Variants in CACNA1D observed in about 807,000 individuals in gnomAD.
The protein encoded by CACNA1D is voltage-dependent L-type calcium channel subunit alpha-1D.
In CACNA1D, 55 loss-of-function variants were observed where a neutral mutation model predicts 257.1. The ratio of observed to expected loss-of-function variants is 0.21; its 90% CI spans 0.17 to 0.27. CACNA1D has a LOEUF of 0.27. CACNA1D is among the 10% of genes least tolerant of loss of function. The pLI, the probability that CACNA1D is intolerant of heterozygous loss-of-function variation, is 1.00. For missense variants in CACNA1D, 1,876 were observed against 2,784.0 expected, an observed-to-expected ratio of 0.67 and a Z score of 7.34; for synonymous variants, 980 against 1,014.9, an observed-to-expected ratio of 0.97 and a Z score of 0.65.
intron 37 of CACNA1D, 46 bp from the exon 38 acceptor site, chr3:53,779,980 G>A (rs1330852860): frequency 2.4e-6 from 3 of 1,252,902 alleles, no homozygotes; most frequent in African/African-American, 1.5e-5. Context: ...TATGGTCGTG[G>A]TCACTCATTT....
At chr3:53,695,732 T>G (rs1346792334) in intron 8 of CACNA1D, among the ~76,000 whole-genome samples, 2 of 152,200 alleles carry the variant, frequency 1.3e-5, no homozygotes, top group African/African-American at 4.8e-5. Flanking sequence ...TTGGTATTGA[T>G]GTTAAATCCA....
chr3:53,761,439 T>C (rs1273624671), intron 29 of CACNA1D, among the ~76,000 whole-genome samples: 1 of 152,236 alleles, frequency 6.6e-6, no homozygotes, highest in Non-Finnish European at 1.5e-5. Context: ...TCGTCTACAC[T>C]GAGAGTTCTT....
At chr3:53,758,751 T>C (rs2095282276) in intron 29 of CACNA1D, among the ~76,000 whole-genome samples, 1 of 152,234 alleles carries the variant, frequency 6.6e-6, no homozygotes, top group African/African-American at 2.4e-5. Flanking sequence ...TGACTGCTGG[T>C]TCCACTTGAG....
intron 3 of CACNA1D, among the ~76,000 whole-genome samples, chr3:53,524,317 C>T: frequency 6.6e-6 from 1 of 152,218 alleles, no homozygotes; most frequent in East Asian, 1.9e-4. Context: ...GGAAGGAATT[C>T]CGTGCCATAA....
rs753048719 is a variant in CACNA1D at position 53,811,294 on chromosome 3, G to T, written c.6374G>T (p.Arg2125Leu). The change falls in exon 48 of 48, where the codon CGG becomes CTG. Residue 2125 changes from arginine (R) to leucine (L), a missense_variant. By Grantham distance (102) the Arg-to-Leu change is moderately radical. Coordinates refer to ENST00000350061, the MANE Select transcript of CACNA1D (RefSeq NM_001128840.3). This position sits in a 1 kb window ranked among gnomAD's most constrained non-coding sequence, Gnocchi z 4.2. ...GGGGATGTGGGCCCCCTCTCACACC[G>T]GCAGGACTATGAGCTACAGGACTTT... ...ANGDVGPLSH[R>L]QDYELQDFGP... 1.2e-6 allele frequency: 2 copies of T among 1,613,750 alleles called. No individual in the cohort carries two copies. Among genetic ancestry groups the T allele is most frequent in the Admixed American group, 3.3e-5 (2 of 60,012 alleles).
At chr3:53,695,318 C>A (rs2094563688) in intron 8 of CACNA1D, among the ~76,000 whole-genome samples, 1 of 152,194 alleles carries the variant, frequency 6.6e-6, no homozygotes, top group African/African-American at 2.4e-5. Flanking sequence ...CCCAGGGCAA[C>A]TGTGCTGAAA....
At chr3:53,610,193 A>G (rs2093566132) in intron 3 of CACNA1D, among the ~76,000 whole-genome samples, 1 of 152,322 alleles carries the variant, frequency 6.6e-6, no homozygotes, top group East Asian at 1.9e-4. Flanking sequence ...TAACTGGAAA[A>G]TCATGTTTAT....
At chr3:53,514,961 G>A (rs148841318) in intron 3 of CACNA1D, among the ~76,000 whole-genome samples, 2 of 152,172 alleles carry the variant, frequency 1.3e-5, no homozygotes, top group African/African-American at 2.4e-5. Flanking sequence ...GTGAAGAAAT[G>A]AACTGAAAAT....
Position 53,613,544 on chromosome 3 carries a change from C to CTG in CACNA1D, c.484-37215_484-37214dup, listed in dbSNP as rs5849000. On this transcript the variant is annotated intron_variant, in intron 3 of 47. Coordinates refer to ENST00000350061, the MANE Select transcript of CACNA1D (RefSeq NM_001128840.3). The stretch of plus-strand genomic sequence containing the variant: ...TTATTTATATAATTGGCACGGCCAT[C>CTG]TGTGTGTGTGTGTGTGTGTGTATGG... Among the ~76,000 whole-genome samples the CTG allele has an allele frequency of 2.6e-3, 398 of 150,626 alleles. 2 individuals are homozygous for CTG. Among genetic ancestry groups the CTG allele is most frequent in the East Asian group, 7.6e-3 (39 of 5,142 alleles).
intron 47 of CACNA1D, 147 bp downstream of exon 47, chr3:53,810,445 C>A: frequency 1.3e-6 from 1 of 788,058 alleles, no homozygotes; most frequent in Non-Finnish European, 2.2e-6. Flanking sequence ...CAGGAATGTA[C>A]CTGAAGCATG....
At chr3:53,780,180 A>C in intron 38 of CACNA1D, 52 bp downstream of exon 38, 1 of 1,366,582 alleles carries the variant, frequency 7.3e-7, no homozygotes, top group East Asian at 2.3e-5. Flanking sequence ...GAGAGACATC[A>C]CATCCCATCT....
chr3:53,565,867 T>C (rs1157210966), intron 3 of CACNA1D, among the ~76,000 whole-genome samples: 1 of 152,032 alleles, frequency 6.6e-6, no homozygotes, highest in Non-Finnish European at 1.5e-5. Flanking sequence ...ATACCCAGAG[T>C]CTCCACTGGG....
chr3:53,805,092 T>G lies in CACNA1D; in HGVS notation c.5695T>G (p.Cys1899Gly), dbSNP rs779483775. 1.2e-6 allele frequency: 2 copies of G among 1,614,176 alleles called. No homozygotes were observed. The highest frequency in any genetic ancestry group is 1.7e-5 in the Admixed American group (1 of 60,022). ...GFLEDDDSPVCYDSRRSPRRR... is the reference protein window; with the variant it reads ...GFLEDDDSPVGYDSRRSPRRR... ...CTTGGAGGACGATGACTCGCCCGTT[T>G]GCTATGATTCACGGAGATCTCCAAG... Residue 1899 changes from cysteine (C) to glycine (G), a missense_variant, in exon 45 of 48, where the codon TGC becomes GGC. Cys to Gly is a radical substitution (Grantham distance 159). Coordinates refer to ENST00000350061, the MANE Select transcript of CACNA1D (RefSeq NM_001128840.3).
At position 53,620,702 on chromosome 3, in the gene CACNA1D, A is replaced by G. The variant is rs147784415; in HGVS notation, c.484-30077A>G. ...TTGAGAACTCTCTAAAGCATTTGCA[A>G]TCATAGATTTGTGTAAGAACTTGAT... On this transcript the variant is annotated intron_variant, in intron 3 of 47. Coordinates refer to ENST00000350061, the MANE Select transcript of CACNA1D (RefSeq NM_001128840.3). Among the ~76,000 whole-genome samples, 103 of 152,368 alleles carry G rather than the reference A, an allele frequency of 6.8e-4. 1 individual carries two copies. The highest frequency in any genetic ancestry group is 5.4e-3 in the Admixed American group (83 of 15,314).
Position 53,776,073 on chromosome 3 carries a change from C to G in CACNA1D, c.4362+28C>G, listed in dbSNP as rs371727814. The G allele has an allele frequency of 6.9e-6, 11 of 1,599,218 alleles. No homozygotes were observed. The African/African-American group carries it at 1.2e-4, about 18-fold the overall frequency. On this transcript the variant is annotated intron_variant, in intron 35 of 47. Coordinates refer to ENST00000350061, the MANE Select transcript of CACNA1D (RefSeq NM_001128840.3). ...AAGTGAGCAACACAGCTCCCCCTCT[C>G]AATTTACAGATGCTTATGTAGCAGT...
chr3:53,726,715 AAC>A (rs966353981), intron 14 of CACNA1D, among the ~76,000 whole-genome samples, 162 bp from the exon 15 acceptor site: 6 of 152,210 alleles, frequency 3.9e-5, no homozygotes, highest in Non-Finnish European at 8.8e-5. Context: ...GTAATTAAAA[AAC>A]AGTGTTTTAG....
At chr3:53,721,974 G>A (rs533616845) in intron 11 of CACNA1D, among the ~76,000 whole-genome samples, 45 of 152,348 alleles carry the variant, frequency 3.0e-4, no homozygotes, top group African/African-American at 1.0e-3. Context: ...ATGTGTGCAA[G>A]TGTAGTTTTG....
intron 8 of CACNA1D, among the ~76,000 whole-genome samples, chr3:53,683,438 A>C (rs2094449597): frequency 6.6e-6 from 1 of 152,234 alleles, no homozygotes. Flanking sequence ...GAAATGGCCA[A>C]TAAATTAAAC....
chr3:53,707,318 GT>G (rs899062518), intron 9 of CACNA1D, among the ~76,000 whole-genome samples: 31 of 151,934 alleles, frequency 2.0e-4, no homozygotes, highest in African/African-American at 7.3e-4. Flanking sequence ...TTTCATTAAG[GT>G]TCCCTGGGGA....
Sources: allele counts gnomAD v4.1 joint callset (sites outside exome capture counted in the v4.1 genomes callset), GRCh38; gene constraint gnomAD v4.1.1; non-coding constraint Gnocchi (gnomAD v3.1); transcripts MANE v1.5; gene names NCBI Gene and HGNC (gene_info 2026-07-23, HGNC 2026-07-21).